LIMCH1: variants seen among roughly 807,000 people sequenced by gnomAD.
LIMCH1 encodes the protein LIM and calponin homology domains-containing protein 1.
Under a neutral mutation model 176.5 loss-of-function variants are expected in LIMCH1, and 113 were observed. That is an observed-to-expected ratio of 0.64 (90% CI 0.55 to 0.75). The LOEUF is 0.75. Among genes scored for constraint, LIMCH1 ranks in the 30% least tolerant of loss-of-function variants. LIMCH1 has a pLI of 0.00. For missense variants in LIMCH1, 1,674 were observed against 1,814.9 expected (o/e 0.92, Z 1.41); for synonymous variants, 619 against 645.9 (o/e 0.96, Z 0.63).
In LIMCH1 at chr4:41,627,011, G is replaced by A. The variant is rs1460869494; in HGVS notation, c.1028+1G>A. ...AAAAAAGAAGTCTAGAATATAAAAG[G>A]TGTGCATGGTGTGTGTGTGTGTGTG... On this transcript the variant is annotated splice_donor_variant, in intron 8 of 31. Transcript: ENST00000503057. LOFTEE classifies it high-confidence loss of function. 6 of 1,503,894 alleles carry A rather than the reference G, an allele frequency of 4.0e-6. No individual in the cohort carries two copies. The South Asian group carries it at 6.0e-5, about 15-fold the overall frequency. 93.2% of individuals were successfully genotyped at this position (1,503,894 alleles called of 1,614,324 possible).
chr4:41,525,043 A>G (rs913639589), intron 3 of LIMCH1, among the ~76,000 whole-genome samples: 25 of 152,238 alleles, frequency 1.6e-4, no homozygotes, highest in Admixed American at 1.6e-3. Context: ...CATAAAATCT[A>G]AAACTTACAT....
In LIMCH1 at chr4:41,580,343, A is replaced by G. The variant is rs929665912; in HGVS notation, c.-240-18577A>G. Among the ~76,000 whole-genome samples the G allele has an allele frequency of 4.6e-5, 7 of 152,194 alleles. 1 individual carries two copies. Among genetic ancestry groups the G allele is most frequent in the Non-Finnish European group, 1.0e-4 (7 of 68,030 alleles). Reference sequence around the variant, plus strand: ...GAACAGGTCACACTCTGTGATCATGATGCAATGGGTATAGAAATAATAACA... The same window carrying G: ...GAACAGGTCACACTCTGTGATCATGGTGCAATGGGTATAGAAATAATAACA... On this transcript the variant is annotated intron_variant, in intron 1 of 31. Coordinates refer to ENST00000503057, the MANE Select transcript of LIMCH1 (RefSeq NM_001330672.2).
chr4:41,579,739 C>G (rs1171307316), intron 1 of LIMCH1, among the ~76,000 whole-genome samples: 1 of 152,206 alleles, frequency 6.6e-6, no homozygotes, highest in Non-Finnish European at 1.5e-5. Flanking sequence ...GAATTTAAAA[C>G]ACTTAACTGC....
At chr4:41,395,062 A>G (rs1028028777) in intron 1 of LIMCH1, among the ~76,000 whole-genome samples, 1 of 152,166 alleles carries the variant, frequency 6.6e-6, no homozygotes, top group Admixed American at 6.5e-5. Context: ...AAGAAAAAGG[A>G]GGGGAAAGAG....
intron 3 of LIMCH1, among the ~76,000 whole-genome samples, chr4:41,527,822 C>CAAAAA (rs34651693): frequency 6.4e-5 from 3 of 47,116 alleles, no homozygotes; most frequent in Non-Finnish European, 1.4e-4. Context: ...GACTCCGTCT[C>CAAAAA]AAAAAAAAAA....
intron 1 of LIMCH1, among the ~76,000 whole-genome samples, chr4:41,556,349 C>T (rs2081267054): frequency 7.0e-6 from 1 of 142,000 alleles, no homozygotes; most frequent in Admixed American, 7.2e-5. Flanking sequence ...AAGCTGATAT[C>T]ATCCCATTGC....
At chr4:41,622,119 TTAAA>T (rs1291916074) in intron 7 of LIMCH1, among the ~76,000 whole-genome samples, 1 of 152,194 alleles carries the variant, frequency 6.6e-6, no homozygotes, top group African/African-American at 2.4e-5. Flanking sequence ...TCTGAGTTTA[TTAAA>T]TAAAGAGTAA....
intron 1 of LIMCH1, among the ~76,000 whole-genome samples, chr4:41,571,415 G>A (rs1029069534): frequency 1.3e-5 from 2 of 152,222 alleles, no homozygotes; most frequent in Non-Finnish European, 2.9e-5. Context: ...TGACAGTGCC[G>A]TTTCTGGAGG....
chr4:41,470,818 C>T (rs1020198409), intron 1 of LIMCH1, among the ~76,000 whole-genome samples: 43 of 152,080 alleles, frequency 2.8e-4, no homozygotes, highest in African/African-American at 9.4e-4. Flanking sequence ...ATCTAGTGGC[C>T]TCTGACCGCA....
chr4:41,545,466 T>A (rs1168153278), intron 1 of LIMCH1, among the ~76,000 whole-genome samples: 3 of 152,202 alleles, frequency 2.0e-5, no homozygotes, highest in Non-Finnish European at 4.4e-5. Context: ...AGGGCAGTGA[T>A]CATCAGGAAT....
chr4:41,513,629 A>T (rs908442250), intron 2 of LIMCH1, among the ~76,000 whole-genome samples: 11 of 152,188 alleles, frequency 7.2e-5, no homozygotes, highest in African/African-American at 2.7e-4. Flanking sequence ...GCAGGAAGGA[A>T]CTAAAAGCCT....
chr4:41,598,931 C>T lies in LIMCH1; in HGVS notation c.-229C>T, dbSNP rs2089431954. 2.5e-6 allele frequency: 4 copies of T among 1,602,068 alleles called. No homozygotes were observed. The highest frequency in any genetic ancestry group is 3.4e-6 in the Non-Finnish European group (4 of 1,169,690). On this transcript the variant is annotated 5_prime_UTR_variant, in exon 2 of 32. Transcript: ENST00000503057. ...TTTTTTCCTTCTAGGACAATATTAT[C>T]TTATTCTTGAGAGGTTGTAAAGAGC...
intron 1 of LIMCH1, among the ~76,000 whole-genome samples, chr4:41,463,644 C>T (rs1239142325): frequency 3.3e-5 from 5 of 151,490 alleles, no homozygotes; most frequent in East Asian, 1.9e-4. Flanking sequence ...GTCATGATCT[C>T]GGCTCACTGC....
In LIMCH1 at chr4:41,596,055, A is replaced by T. The variant is rs545000764; in HGVS notation, c.-240-2865A>T. On this transcript the variant is annotated intron_variant, in intron 1 of 31. Transcript: ENST00000503057. ...CAGAGTGAGACTCCATCTCAAAAAA[A>T]AAAAAATAAAAAAGTTCACCAGCAA... 1.4e-3 allele frequency among the ~76,000 whole-genome samples: 208 copies of T among 144,356 alleles called. 2 individuals are homozygous for T. Among genetic ancestry groups the T allele is most frequent in the Non-Finnish European group, 2.0e-3 (134 of 67,652 alleles). 94.7% of individuals were successfully genotyped at this position (144,356 alleles called of 152,430 possible). A position where few individuals can be genotyped will look rare whatever the true frequency, so the allele number is the denominator to read the frequency against.
At chr4:41,470,681 A>G (rs557794618) in intron 1 of LIMCH1, among the ~76,000 whole-genome samples, 14 of 152,110 alleles carry the variant, frequency 9.2e-5, no homozygotes, top group Non-Finnish European at 1.5e-4. Flanking sequence ...ACCCCTTAAC[A>G]ATTTGGACTA....
At chr4:41,692,185 G>A (rs1413565216) in intron 30 of LIMCH1, 97 bp from the exon 31 acceptor site, 11 of 755,572 alleles carry the variant, frequency 1.5e-5, no homozygotes, top group East Asian at 1.0e-4. Flanking sequence ...GGTGATTGTA[G>A]AAGGGATTAT....
chr4:41,488,210 A>G (rs2070070148), intron 1 of LIMCH1, among the ~76,000 whole-genome samples: 1 of 152,182 alleles, frequency 6.6e-6, no homozygotes, highest in Admixed American at 6.5e-5. Context: ...AGACGTATGA[A>G]AAAATGTTTT....
intron 20 of LIMCH1, 124 bp downstream of exon 20, chr4:41,663,108 A>G (rs1446963699): frequency 1.4e-5 from 12 of 870,260 alleles, no homozygotes; most frequent in Non-Finnish European, 1.9e-5. Flanking sequence ...CTTTTTTCCT[A>G]TCTTTAATCT....
chr4:41,620,176 C>A, intron 6 of LIMCH1: 1 of 440,646 alleles, frequency 2.3e-6, no homozygotes, highest in Non-Finnish European at 4.0e-6. Flanking sequence ...ATGAAATTTA[C>A]CTTTCCAGCA....
Sources: allele counts gnomAD v4.1 joint callset (sites outside exome capture counted in the v4.1 genomes callset), GRCh38; gene constraint gnomAD v4.1.1; transcripts MANE v1.5; gene names NCBI Gene and HGNC (gene_info 2026-07-23, HGNC 2026-07-21).